FMNL2: variants seen among roughly 807,000 people sequenced by gnomAD.
FMNL2 encodes formin-like protein 2.
Under a neutral mutation model 130.2 loss-of-function variants are expected in FMNL2, and 51 were observed. The observed-to-expected ratio is 0.39, with a 90% CI of 0.31 to 0.49. The LOEUF (loss-of-function observed/expected upper bound fraction) is 0.49. Among genes scored for constraint, FMNL2 ranks in the 20% least tolerant of loss-of-function variants. The pLI is 0.85. For missense variants in FMNL2, 977 were observed against 1,316.2 expected (o/e 0.74, Z 3.99); for synonymous variants, 465 against 467.1 (o/e 1.00, Z 0.06).
intron 1 of FMNL2, among the ~76,000 whole-genome samples, chr2:152,472,401 A>G (rs190082548): frequency 4.1e-4 from 63 of 152,308 alleles, no homozygotes; most frequent in Non-Finnish European, 5.0e-4. Context: ...AAGCTTCAAA[A>G]AAGATTTTTT....
chr2:152,516,412 T>C (rs1237814959), intron 1 of FMNL2, among the ~76,000 whole-genome samples: 3 of 152,176 alleles, frequency 2.0e-5, no homozygotes, highest in African/African-American at 7.2e-5. Flanking sequence ...GCCATTTCTT[T>C]TGTGACATGA....
chr2:152,375,202 A>C (rs1322013428), intron 1 of FMNL2, among the ~76,000 whole-genome samples: 1 of 152,236 alleles, frequency 6.6e-6, no homozygotes, highest in African/African-American at 2.4e-5. Flanking sequence ...AAACTGTAAG[A>C]GTTTGCAGTT....
chr2:152,401,544 G>A (rs148274260), intron 1 of FMNL2, among the ~76,000 whole-genome samples: 2 of 152,290 alleles, frequency 1.3e-5, no homozygotes, highest in East Asian at 3.9e-4. Flanking sequence ...GAGGCAAAAA[G>A]CTTTAATCTG....
intron 1 of FMNL2, among the ~76,000 whole-genome samples, chr2:152,345,427 T>C (rs757861993): frequency 1.3e-5 from 2 of 152,196 alleles, no homozygotes; most frequent in Non-Finnish European, 2.9e-5. Flanking sequence ...GGATATGTCA[T>C]GATCAGATTT....
At position 152,561,004 on chromosome 2, in the gene FMNL2, G is replaced by C; in HGVS notation, c.565G>C (p.Val189Leu). The C allele has an allele frequency of 6.2e-7, 1 of 1,603,288 alleles. No homozygotes were observed. The highest frequency in any genetic ancestry group is 8.5e-7 in the Non-Finnish European group (1 of 1,174,684). Residue 189 changes from valine (V) to leucine (L), a missense_variant, in exon 6 of 26, where the codon GTC (valine) becomes CTC (leucine). Val to Leu is a conservative substitution (Grantham distance 32, BLOSUM62 1). This residue lies in a region of FMNL2 where 689 missense variants were observed against 995.9 expected (regional missense o/e 0.69). Transcript: ENST00000288670. Reference sequence around the variant, plus strand: ...CCTGCCCTCACCTGTGGGCAACAGTGTCTCCCGCTCTGGAAGACATTCTGC... The same window carrying C: ...CCTGCCCTCACCTGTGGGCAACAGTCTCTCCCGCTCTGGAAGACATTCTGC... ...SNLPSPVGNS[V>L]SRSGRHSALR... is the part of the protein sequence containing the mutation.
chr2:152,568,037 G>A (rs1695951351), intron 6 of FMNL2, among the ~76,000 whole-genome samples: 1 of 152,126 alleles, frequency 6.6e-6, no homozygotes, highest in Admixed American at 6.5e-5. Context: ...TTCTTTCAAG[G>A]TTCTGCGGTA....
intron 1 of FMNL2, among the ~76,000 whole-genome samples, chr2:152,480,147 A>C (rs12616906): frequency 0.37 from 56,655 of 151,978 alleles, 11,262 homozygotes; most frequent in East Asian, 0.68. Context: ...GTGGTGTAGC[A>C]GACCTGATTC....
intron 1 of FMNL2, among the ~76,000 whole-genome samples, chr2:152,478,472 G>A (rs1019408755): frequency 6.6e-6 from 1 of 151,806 alleles, no homozygotes; most frequent in Non-Finnish European, 1.5e-5. Flanking sequence ...TCCTGACCTC[G>A]TGATCTGCTG....
intron 1 of FMNL2, among the ~76,000 whole-genome samples, chr2:152,453,228 G>A (rs1420488486): frequency 1.4e-5 from 2 of 139,686 alleles, no homozygotes; most frequent in African/African-American, 2.6e-5. Flanking sequence ...GGTGGGGGTG[G>A]GGATTACAGA....
intron 12 of FMNL2, 54 bp from the exon 13 acceptor site, chr2:152,617,037 G>A: frequency 6.7e-7 from 1 of 1,502,228 alleles, no homozygotes; most frequent in Non-Finnish European, 9.2e-7. Context: ...TGAGAACTGA[G>A]GGCTGATCAA....
intron 5 of FMNL2, among the ~76,000 whole-genome samples, chr2:152,560,161 CTT>C (rs201288912): frequency 2.9e-5 from 4 of 138,310 alleles, no homozygotes; most frequent in African/African-American, 2.6e-5. Flanking sequence ...AATACAATTT[CTT>C]TTTTTTTTTT....
intron 12 of FMNL2, among the ~76,000 whole-genome samples, chr2:152,615,241 T>C (rs1218819731): frequency 1.3e-5 from 2 of 152,168 alleles, no homozygotes; most frequent in Non-Finnish European, 1.5e-5. Flanking sequence ...TCTGCTGAGG[T>C]GCATTTCCTG....
intron 4 of FMNL2, among the ~76,000 whole-genome samples, chr2:152,556,532 C>A (rs1014178289): frequency 2.0e-5 from 3 of 152,168 alleles, no homozygotes; most frequent in African/African-American, 7.2e-5. Context: ...AATGAGTATT[C>A]TTTATCCCTG....
chr2:152,408,556 A>G (rs2105990156), intron 1 of FMNL2, among the ~76,000 whole-genome samples: 1 of 152,350 alleles, frequency 6.6e-6, no homozygotes. Context: ...TCTCCTTGAA[A>G]TACAGATGCT....
chr2:152,551,889 A>G (rs983174828), intron 4 of FMNL2, among the ~76,000 whole-genome samples: 25 of 152,178 alleles, frequency 1.6e-4, no homozygotes, highest in African/African-American at 5.5e-4. Context: ...AATGTCACGT[A>G]CCTGTAATGC....
At chr2:152,486,288 G>A (rs1015739858) in intron 1 of FMNL2, among the ~76,000 whole-genome samples, 2 of 152,180 alleles carry the variant, frequency 1.3e-5, no homozygotes, top group African/African-American at 4.8e-5. Context: ...CAAGACTTAA[G>A]CTTCCTGCTA....
Position 152,415,354 on chromosome 2 carries a change from T to C in FMNL2, c.117+79634T>C, listed in dbSNP as rs561746142. Among the ~76,000 whole-genome samples, 14 of 152,336 alleles carry C rather than the reference T, an allele frequency of 9.2e-5. No homozygotes were observed. The South Asian group carries it at 2.7e-3, about 29-fold the overall frequency. On this transcript the variant is annotated intron_variant, in intron 1 of 25. Coordinates refer to ENST00000288670, the MANE Select transcript of FMNL2 (RefSeq NM_052905.4). ...AGCTCTGCTGCATTTTGAGTACCTG[T>C]GGGTAAATGACCTCACCTCTTCAGC...
chr2:152,593,902 TGAGAGAGAGA>T (rs143746034), intron 9 of FMNL2, among the ~76,000 whole-genome samples: 5 of 81,568 alleles, frequency 6.1e-5, no homozygotes, highest in Admixed American at 1.5e-4. Flanking sequence ...TGTGTGTGTG[TGAGAGAGAGA>T]GAGAGAGAGA....
Position 152,542,832 on chromosome 2 carries a change from T to G in FMNL2, c.282+13T>G, listed in dbSNP as rs769264825. Reference sequence around the variant, plus strand: ...TGTAACCAGGAAGGTAAGATGGATTTGTTTCCACTCTTTGTTATTGCTTCC... The same window carrying G: ...TGTAACCAGGAAGGTAAGATGGATTGGTTTCCACTCTTTGTTATTGCTTCC... On this transcript the variant is annotated intron_variant, in intron 3 of 25. Coordinates refer to ENST00000288670, the MANE Select transcript of FMNL2 (RefSeq NM_052905.4). 3 of 1,613,172 alleles carry G rather than the reference T, an allele frequency of 1.9e-6. No individual in the cohort carries two copies. The highest frequency in any genetic ancestry group is 2.5e-6 in the Non-Finnish European group (3 of 1,179,206).
Sources: allele counts gnomAD v4.1 joint callset (sites outside exome capture counted in the v4.1 genomes callset), GRCh38; gene constraint gnomAD v4.1.1; regional missense constraint gnomAD v4.1.1; transcripts MANE v1.5; gene names NCBI Gene and HGNC (gene_info 2026-07-23, HGNC 2026-07-21).